The following STIM2 variants were observed in gnomAD, a reference collection of about 807,000 sequenced individuals.
STIM2 encodes stromal interaction molecule 2.
Under a neutral mutation model 85.8 loss-of-function variants are expected in STIM2, and 31 were observed. The ratio of observed to expected loss-of-function variants is 0.36; its 90% CI spans 0.27 to 0.49. The LOEUF is 0.49. STIM2 is among the 20% of genes least tolerant of loss of function. The probability of loss-of-function intolerance (pLI) is 0.98; values close to 1 mark genes in which losing one functional copy is unlikely to be tolerated. For synonymous variants in STIM2, 356 were observed against 331.1 expected (o/e 1.08, Z -0.82); for missense variants, 841 against 927.6 (o/e 0.91, Z 1.21).
chr4:26,917,811 T>C (rs907089617), intron 1 of STIM2, among the ~76,000 whole-genome samples: 1 of 152,182 alleles, frequency 6.6e-6, no homozygotes, highest in South Asian at 2.1e-4. Flanking sequence ...ATAGGTCTGC[T>C]GGAGGCAACT....
intron 2 of STIM2, among the ~76,000 whole-genome samples, chr4:26,945,791 G>C (rs1280725974): frequency 1.3e-5 from 2 of 151,796 alleles, no homozygotes; most frequent in African/African-American, 4.8e-5. Context: ...CTTTTTAATG[G>C]GGTTTTTTTT....
At chr4:26,960,534 A>G (rs1360985181) in intron 3 of STIM2, among the ~76,000 whole-genome samples, 5 of 152,118 alleles carry the variant, frequency 3.3e-5, no homozygotes, top group African/African-American at 1.2e-4. Context: ...TCAGTAAATA[A>G]TTGTTGAATG....
chr4:26,969,019 G>A (rs138188010), intron 3 of STIM2, among the ~76,000 whole-genome samples: 19 of 152,234 alleles, frequency 1.2e-4, no homozygotes, highest in Non-Finnish European at 2.5e-4. Context: ...TTTCATGTCA[G>A]CTTTCTTTTT....
intron 2 of STIM2, among the ~76,000 whole-genome samples, chr4:26,943,198 T>C (rs1238030262): frequency 1.3e-5 from 2 of 152,072 alleles, no homozygotes; most frequent in East Asian, 3.9e-4. Context: ...TTTTCATTAA[T>C]TGGAATACTC....
chr4:26,912,112 G>T (rs974006419), intron 1 of STIM2, among the ~76,000 whole-genome samples: 3 of 152,058 alleles, frequency 2.0e-5, no homozygotes, highest in African/African-American at 4.8e-5. Context: ...TATTTGATTC[G>T]GTAAATGCTT....
In STIM2 at chr4:27,007,643, A is replaced by G. The variant is rs1438402270; in HGVS notation, c.1092A>G (p.Gln364=). ...AGTTAACACATGAAGTAGAAGTGCA[A>G]TACTACAATATTAAAAGACAAAACG... The change falls in exon 8 of 12, where the codon CAA becomes CAG. Residue 364 remains glutamine, a synonymous_variant. Coordinates refer to ENST00000467087, the MANE Select transcript of STIM2 (RefSeq NM_020860.4). 5 of 1,604,812 alleles carry G rather than the reference A, an allele frequency of 3.1e-6. No individual in the cohort carries two copies. Among genetic ancestry groups the G allele is most frequent in the Non-Finnish European group, 3.4e-6 (4 of 1,176,174 alleles).
chr4:26,869,477 A>G (rs1165112769), intron 1 of STIM2, among the ~76,000 whole-genome samples: 2 of 152,142 alleles, frequency 1.3e-5, no homozygotes, highest in Admixed American at 1.3e-4. Flanking sequence ...CAGCTATGGT[A>G]TGAGTAACTG....
chr4:26,940,586 G>A lies in STIM2; in HGVS notation c.283-17026G>A, dbSNP rs766820126. On this transcript the variant is annotated intron_variant, in intron 2 of 11. Coordinates refer to ENST00000467087, the MANE Select transcript of STIM2 (RefSeq NM_020860.4). ...TATCACTGTTTTACCTACAACGGAG[G>A]CTTAGTGCTCCAGCCTTATCTTTGT... Among the ~76,000 whole-genome samples, 12 of 152,218 alleles carry A rather than the reference G, an allele frequency of 7.9e-5. No individual in the cohort carries two copies. The South Asian group carries it at 8.3e-4, about 11-fold the overall frequency.
chr4:26,894,037 C>T lies in STIM2; in HGVS notation c.152-25467C>T, dbSNP rs1283262339. Among the ~76,000 whole-genome samples, 5 of 152,012 alleles carry T rather than the reference C, an allele frequency of 3.3e-5. No individual in the cohort carries two copies. In the East Asian group the frequency reaches 7.7e-4, roughly 23 times the overall value. ...CCAAGTAGCTGGGATTACAGGTGCC[C>T]GCCACTGCGCCAGGCTAATTTTTAT... is the stretch of plus-strand genomic sequence containing the variant. On this transcript the variant is annotated intron_variant, in intron 1 of 11. Coordinates refer to ENST00000467087, the MANE Select transcript of STIM2 (RefSeq NM_020860.4).
At chr4:27,006,170 C>T (rs1728325626) in intron 7 of STIM2, among the ~76,000 whole-genome samples, 1 of 152,192 alleles carries the variant, frequency 6.6e-6, no homozygotes, top group Non-Finnish European at 1.5e-5. Context: ...TAGTGCTCTT[C>T]CCCTTACTTT....
chr4:26,965,688 C>T (rs1577467492), intron 3 of STIM2, among the ~76,000 whole-genome samples: 1 of 151,866 alleles, frequency 6.6e-6, no homozygotes, highest in African/African-American at 2.4e-5. Flanking sequence ...CTTAAGTACA[C>T]TTGTGTTTTG....
chr4:27,009,079 T>C, intron 10 of STIM2, 77 bp downstream of exon 10: 1 of 1,266,174 alleles, frequency 7.9e-7, no homozygotes, highest in East Asian at 2.3e-5. Flanking sequence ...AGGAATCATG[T>C]ACTTCGAAAT....
intron 3 of STIM2, among the ~76,000 whole-genome samples, chr4:26,982,538 A>C (rs1035042602): frequency 6.6e-6 from 1 of 152,006 alleles, no homozygotes; most frequent in Non-Finnish European, 1.5e-5. Context: ...ATCCTTCTAT[A>C]TCCATCATTT....
Position 26,861,455 on chromosome 4 carries a change from G to A in STIM2, c.151+86G>A, listed in dbSNP as rs1399408522. On this transcript the variant is annotated intron_variant, in intron 1 of 11. Transcript: ENST00000467087. ...GCAGAGGTCAGCATCTCCGCCGGAC[G>A]TCCGCTATTCCGCGGCTCCGGCCAG... is the stretch of plus-strand genomic sequence containing the variant. 10 of 1,236,668 alleles carry A rather than the reference G, an allele frequency of 8.1e-6. No individual in the cohort carries two copies. In the African/African-American group the frequency reaches 1.6e-4, roughly 19 times the overall value. The allele number at this position is 1,236,668 out of a possible 1,614,324, so 76.6% of individuals were successfully genotyped here. A position where few individuals can be genotyped will look rare whatever the true frequency, so the allele number is the denominator to read the frequency against.
At chr4:26,900,066 G>A (rs1723860982) in intron 1 of STIM2, among the ~76,000 whole-genome samples, 1 of 152,126 alleles carries the variant, frequency 6.6e-6, no homozygotes, top group Admixed American at 6.6e-5. Flanking sequence ...TTTGAAATTA[G>A]GGAATGTAGG....
intron 2 of STIM2, among the ~76,000 whole-genome samples, chr4:26,928,825 T>G (rs1560210105): frequency 1.3e-5 from 2 of 152,342 alleles, no homozygotes; most frequent in Middle Eastern, 6.8e-3. Flanking sequence ...TAGAACTAAA[T>G]AAAACTTAGG....
At chr4:26,981,475 A>C (rs1251136598) in intron 3 of STIM2, among the ~76,000 whole-genome samples, 2 of 152,180 alleles carry the variant, frequency 1.3e-5, no homozygotes, top group African/African-American at 4.8e-5. Context: ...TAATTTCTTA[A>C]TTGAAAGTGA....
At chr4:26,995,605 T>G in intron 4 of STIM2, 115 bp downstream of exon 4, 1 of 460,980 alleles carries the variant, frequency 2.2e-6, no homozygotes, top group Non-Finnish European at 3.8e-6. Flanking sequence ...AAAGGAAATA[T>G]AAATATATCC....
intron 2 of STIM2, among the ~76,000 whole-genome samples, chr4:26,943,919 G>A (rs1282164314): frequency 6.6e-6 from 1 of 151,972 alleles, no homozygotes; most frequent in African/African-American, 2.4e-5. Flanking sequence ...AAAACCAGTG[G>A]TGTAATTACC....
Sources: allele counts gnomAD v4.1 joint callset (sites outside exome capture counted in the v4.1 genomes callset), GRCh38; gene constraint gnomAD v4.1.1; transcripts MANE v1.5; gene names NCBI Gene and HGNC (gene_info 2026-07-23, HGNC 2026-07-21).